The following TTC38 variants were observed in gnomAD, a reference collection of about 807,000 sequenced individuals.
TTC38 encodes tetratricopeptide repeat domain 38, also known as tetratricopeptide repeat protein 38.
Under a neutral mutation model 64.2 loss-of-function variants are expected in TTC38, and 64 were observed. That is an observed-to-expected ratio of 1.00 (90% CI 0.81 to 1.23). The LOEUF is 1.23. Among genes scored for constraint, TTC38 ranks in the 50% most tolerant of loss-of-function variants. TTC38 has a pLI of 0.00. For synonymous variants in TTC38, 254 were observed against 249.3 expected (o/e 1.02, Z -0.18); for missense variants, 573 against 615.5 (o/e 0.93, Z 0.73).
intron 7 of TTC38, 67 bp from the exon 8 acceptor site, chr22:46,283,903 AAAC>A (rs1385110627): frequency 8.9e-6 from 10 of 1,118,220 alleles, no homozygotes; most frequent in East Asian, 2.7e-5. Context: ...CATTAGCACA[AAAC>A]AACATTTGTT....
chr22:46,284,115 T>C, intron 8 of TTC38, 83 bp downstream of exon 8: 1 of 1,195,362 alleles, frequency 8.4e-7, no homozygotes, highest in Non-Finnish European at 1.2e-6. Flanking sequence ...TGCTATGTAT[T>C]CACATCCGTT....
chr22:46,285,436 C>G (rs1239993413), intron 9 of TTC38, among the ~76,000 whole-genome samples, 157 bp downstream of exon 9: 1 of 152,094 alleles, frequency 6.6e-6, no homozygotes, highest in Non-Finnish European at 1.5e-5. Context: ...TTAATTTTGC[C>G]AAGAGCAATG....
In TTC38 at chr22:46,276,966, C is replaced by A. The variant is rs2077494768; in HGVS notation, c.539+1545C>A. On this transcript the variant is annotated intron_variant, in intron 5 of 13. Coordinates refer to ENST00000381031, the MANE Select transcript of TTC38 (RefSeq NM_017931.4). The surrounding 1 kb of genome is among the most constrained non-coding windows in gnomAD (Gnocchi z 4.7). ...TTAACCGTCATGAAACCTAATAGTACCTGACACACAGCAAACATACAATAA... is the reference window on the plus strand; with the variant it reads ...TTAACCGTCATGAAACCTAATAGTAACTGACACACAGCAAACATACAATAA... 6.7e-6 allele frequency among the ~76,000 whole-genome samples: 1 copy of A among 149,754 alleles called. No individual in the cohort carries two copies. Among genetic ancestry groups the A allele is most frequent in the Non-Finnish European group, 1.5e-5 (1 of 67,694 alleles).
rs1419477503 is a variant in TTC38 at position 46,268,501 on chromosome 22, T to C, written c.34-13T>C. 6.2e-7 allele frequency: 1 copy of C among 1,613,932 alleles called. No individual in the cohort carries two copies. Among genetic ancestry groups the C allele is most frequent in the African/African-American group, 1.3e-5 (1 of 74,940 alleles). On this transcript the variant is annotated splice_polypyrimidine_tract_variant and intron_variant, in intron 1 of 13. Coordinates refer to ENST00000381031, the MANE Select transcript of TTC38 (RefSeq NM_017931.4). ...GAGAGAAGGCACTGCTATTCCCTTC[T>C]TGCCGTCTGTAGGCCTGGAAGGATG...
intron 10 of TTC38, among the ~76,000 whole-genome samples, chr22:46,287,492 TG>T (rs1303752876): frequency 1.3e-5 from 2 of 152,248 alleles, no homozygotes; most frequent in Non-Finnish European, 1.5e-5. Flanking sequence ...CCTGGCCACC[TG>T]TCTCGATGCC....
intron 11 of TTC38, among the ~76,000 whole-genome samples, chr22:46,288,853 G>T (rs892343074): frequency 1.3e-5 from 2 of 152,200 alleles, no homozygotes; most frequent in African/African-American, 4.8e-5. Flanking sequence ...TATGAGATCC[G>T]CAGGGTCACA....
Position 46,271,132 on chromosome 22 carries a change from C to T in TTC38, c.112-1203C>T, listed in dbSNP as rs1936885851. Among the ~76,000 whole-genome samples the T allele has an allele frequency of 6.6e-6, 1 of 152,202 alleles. No individual in the cohort carries two copies. Among genetic ancestry groups the T allele is most frequent in the Admixed American group, 6.5e-5 (1 of 15,284 alleles). On this transcript the variant is annotated intron_variant, in intron 2 of 13. Transcript: ENST00000381031. This position sits in a 1 kb window ranked among gnomAD's most constrained non-coding sequence, Gnocchi z 5.5. ...ATTTTTAAAACGAATGAATAAGAAG[C>T]AGGAATATTCCTATCGTGACCAACT... is the stretch of plus-strand genomic sequence containing the variant.
Position 46,272,262 on chromosome 22 carries a change from C to T in TTC38, c.112-73C>T, listed in dbSNP as rs1012655979. On this transcript the variant is annotated intron_variant, in intron 2 of 13. Coordinates refer to ENST00000381031, the MANE Select transcript of TTC38 (RefSeq NM_017931.4). The surrounding 1 kb of genome is among the most constrained non-coding windows in gnomAD (Gnocchi z 6.4). The stretch of plus-strand genomic sequence containing the variant: ...CGCCTCGGCCTCCCAAAGTGTAAAC[C>T]TGGATTTAGAGCCACCTTTGTTAGA... The T allele has an allele frequency of 1.6e-5, 21 of 1,339,682 alleles. No individual in the cohort carries two copies. The African/African-American group carries it at 3.0e-4, about 19-fold the overall frequency. 83.0% of individuals were successfully genotyped at this position (1,339,682 alleles called of 1,614,324 possible). A position where few individuals can be genotyped will look rare whatever the true frequency, so the allele number is the denominator to read the frequency against.
intron 5 of TTC38, among the ~76,000 whole-genome samples, chr22:46,277,038 TATATACATACACACACACAC>T (rs1488998988): frequency 9.9e-6 from 1 of 101,466 alleles, no homozygotes; most frequent in African/African-American, 4.3e-5. Context: ...ACAATACATA[TATATACATACACACACACAC>T]ACACACACAC....
chr22:46,269,046 C>A, intron 2 of TTC38: 1 of 384,268 alleles, frequency 2.6e-6, no homozygotes, highest in Non-Finnish European at 5.3e-6. Flanking sequence ...CACATCTGTG[C>A]ACTTTGTACT....
rs267606280 is a variant in TTC38, at chr22:46,285,255, C to T, written c.810C>T (p.Ala270=). The T allele has an allele frequency of 4.5e-5, 73 of 1,614,146 alleles. No homozygotes were observed. The highest frequency in any genetic ancestry group is 3.5e-4 in the African/African-American group (26 of 75,032). The change falls in exon 9 of 14, where the codon GCC becomes GCT. Residue 270 remains alanine, a synonymous_variant. Coordinates refer to ENST00000381031, the MANE Select transcript of TTC38 (RefSeq NM_017931.4). ...TATTCTTCCAGGGCGAATATGAGGC[C>T]GCGCTGACCATCTACGATACCCACG... ...LYLIEKGEYE[A]ALTIYDTHIL...
Position 46,274,358 on chromosome 22 carries a change from A to G in TTC38, c.365+289A>G, listed in dbSNP as rs892436067. On this transcript the variant is annotated intron_variant, in intron 4 of 13. Transcript: ENST00000381031. This position sits in a 1 kb window ranked among gnomAD's most constrained non-coding sequence, Gnocchi z 4.8. ...TTTTCCTTACAAAAATAATAGGGTC[A>G]CACTACAGAAATTACTAGGTTAGGG... Among the ~76,000 whole-genome samples, 1 of 152,222 alleles carries G rather than the reference A, an allele frequency of 6.6e-6. No individual in the cohort carries two copies. The highest frequency in any genetic ancestry group is 6.5e-5 in the Admixed American group (1 of 15,282).
intron 11 of TTC38, 35 bp downstream of exon 11, chr22:46,288,623 C>T: frequency 6.2e-7 from 1 of 1,604,192 alleles, no homozygotes; most frequent in Non-Finnish European, 8.5e-7. Flanking sequence ...TGGGGGTCCT[C>T]ACCCTGCCGA....
chr22:46,268,809 C>T (rs922155324), intron 2 of TTC38: 15 of 497,676 alleles, frequency 3.0e-5, no homozygotes, highest in Non-Finnish European at 5.5e-5. Context: ...CTCAGCCTCC[C>T]GAGTAGCTGG....
chr22:46,271,668 G>A lies in TTC38; in HGVS notation c.112-667G>A, dbSNP rs1296323615. Among the ~76,000 whole-genome samples, 2 of 149,366 alleles carry A rather than the reference G, an allele frequency of 1.3e-5. No individual in the cohort carries two copies. Among genetic ancestry groups the A allele is most frequent in the African/African-American group, 2.6e-5 (1 of 38,758 alleles). On this transcript the variant is annotated intron_variant, in intron 2 of 13. Transcript: ENST00000381031. This position sits in a 1 kb window ranked among gnomAD's most constrained non-coding sequence, Gnocchi z 5.5. ...TAGGACTACAGACATGTGCCACCACGCCTGACTAATTTTTGTATTATTTGT... is the reference window on the plus strand; with the variant it reads ...TAGGACTACAGACATGTGCCACCACACCTGACTAATTTTTGTATTATTTGT...
chr22:46,287,038 C>A (rs761189447), intron 9 of TTC38, 35 bp from the exon 10 acceptor site: 25 of 1,554,768 alleles, frequency 1.6e-5, no homozygotes, highest in Non-Finnish European at 1.1e-5. Context: ...ATCTGGGCCA[C>A]CCGCTGAGCC....
In TTC38 at chr22:46,276,830, T is replaced by TATATATTAA. The variant is rs2077493152; in HGVS notation, c.539+1415_539+1416insTAAATATAT. 7.0e-6 allele frequency among the ~76,000 whole-genome samples: 1 copy of TATATATTAA among 143,814 alleles called. No homozygotes were observed. The highest frequency in any genetic ancestry group is 7.0e-5 in the Admixed American group (1 of 14,230). 94.3% of individuals were successfully genotyped at this position (143,814 alleles called of 152,430 possible). On this transcript the variant is annotated intron_variant, in intron 5 of 13. Coordinates refer to ENST00000381031, the MANE Select transcript of TTC38 (RefSeq NM_017931.4). The surrounding 1 kb of genome is among the most constrained non-coding windows in gnomAD (Gnocchi z 4.7). Reference sequence around the variant, plus strand: ...TATTAAAATATATATATTAAATATATATATATATATAAACATATATATATA... The same window carrying TATATATTAA: ...TATTAAAATATATATATTAAATATATATATATTAAATATATATATAAACATATATATATA...
Position 46,292,366 on chromosome 22 carries a change from A to G in TTC38, c.1317-425A>G. The G allele has an allele frequency of 3.1e-6, 1 of 319,760 alleles. No individual in the cohort carries two copies. The highest frequency in any genetic ancestry group is 6.2e-6 in the Non-Finnish European group (1 of 160,816). 19.8% of individuals were successfully genotyped at this position (319,760 alleles called of 1,614,324 possible). ...ACCTATCTCTTCTTATAAGGGCACT[A>G]ATCCCATTCACAAGGGCCCCACCCT... On this transcript the variant is annotated intron_variant, in intron 13 of 13. Coordinates refer to ENST00000381031, the MANE Select transcript of TTC38 (RefSeq NM_017931.4). The surrounding 1 kb of genome is among the most constrained non-coding windows in gnomAD (Gnocchi z 6.5).
intron 13 of TTC38, among the ~76,000 whole-genome samples, chr22:46,290,891 C>T (rs1314851105): frequency 6.6e-6 from 1 of 152,200 alleles, no homozygotes; most frequent in Non-Finnish European, 1.5e-5. Flanking sequence ...GCCCATGTCC[C>T]TGCCACCCTC....
Sources: gnomAD v4.1 joint callset for allele counts (sites outside exome capture counted in the v4.1 genomes callset) on GRCh38, gnomAD v4.1.1 for gene constraint, Gnocchi (gnomAD v3.1) non-coding constraint, MANE v1.5 for transcripts, NCBI Gene and HGNC (gene_info 2026-07-23, HGNC 2026-07-21) for gene names.